Variants in DAZAP1 observed in about 807,000 individuals in gnomAD.
DAZAP1 encodes DAZ-associated protein 1.
Under a neutral mutation model 60.1 loss-of-function variants are expected in DAZAP1, and 6 were observed. The ratio of observed to expected loss-of-function variants is 0.10; its 90% confidence interval spans 0.05 to 0.20. DAZAP1 has a LOEUF of 0.20. Among genes scored for constraint, DAZAP1 ranks in the 10% least tolerant of loss-of-function variants. The pLI is 1.00. For missense variants in DAZAP1, 366 were observed against 560.4 expected (o/e 0.65, Z 3.50); for synonymous variants, 235 against 215.9 (o/e 1.09, Z -0.78).
In DAZAP1 at chr19:1,429,958, C is replaced by T. The variant is rs747705262; in HGVS notation, c.701-9C>T. The T allele has an allele frequency of 1.5e-5, 24 of 1,565,244 alleles. 1 individual carries two copies. The Admixed American group carries it at 2.3e-4, about 15-fold the overall frequency. On this transcript the variant is annotated splice_polypyrimidine_tract_variant and intron_variant, in intron 8 of 11. Coordinates refer to ENST00000233078, the MANE Select transcript of DAZAP1 (RefSeq NM_018959.4). ...CGGCGCCAACCTCCTCTTCTGTTCT[C>T]TTATCTAGGAATGTGGGTGCCGGCA...
In DAZAP1 at chr19:1,407,661, C is replaced by CGCG. The variant is rs1569023039; in HGVS notation, c.-112_-111insCGG. The CGCG allele has an allele frequency of 2.1e-6, 2 of 964,084 alleles. No homozygotes were observed. Among genetic ancestry groups the CGCG allele is most frequent in the Non-Finnish European group, 2.5e-6 (2 of 807,646 alleles). 59.7% of individuals were successfully genotyped at this position (964,084 alleles called of 1,614,324 possible). Reference sequence around the variant, plus strand: ...CCGCCGCCGCCGCCGCCGCCGCCGCCGTTGCGCAGATCCGGGCCGCGGCTG... The same window carrying CGCG: ...CCGCCGCCGCCGCCGCCGCCGCCGCCGCGGTTGCGCAGATCCGGGCCGCGGCTG... On this transcript the variant is annotated 5_prime_UTR_variant, in exon 1 of 12. Coordinates refer to ENST00000233078, the MANE Select transcript of DAZAP1 (RefSeq NM_018959.4).
Position 1,435,117 on chromosome 19 carries a change from A to G in DAZAP1, c.*205A>G, listed in dbSNP as rs1339849090. The G allele has an allele frequency of 2.8e-6, 1 of 363,366 alleles. No homozygotes were observed. The highest frequency in any genetic ancestry group is 4.5e-5 in the East Asian group (1 of 22,318). 22.5% of individuals were successfully genotyped at this position (363,366 alleles called of 1,614,324 possible). A position where few individuals can be genotyped will look rare whatever the true frequency, so the allele number is the denominator to read the frequency against. On this transcript the variant is annotated 3_prime_UTR_variant, in exon 12 of 12. Coordinates refer to ENST00000233078, the MANE Select transcript of DAZAP1 (RefSeq NM_018959.4). Reference sequence around the variant, plus strand: ...TTCTCTAACCCATCAGCACAATAAAAAAAAGTCACTGGTTCAACAACAGGG... The same window carrying G: ...TTCTCTAACCCATCAGCACAATAAAGAAAAGTCACTGGTTCAACAACAGGG...
chr19:1,420,423 G>C (rs933946457), intron 4 of DAZAP1, among the ~76,000 whole-genome samples: 3 of 151,916 alleles, frequency 2.0e-5, no homozygotes, highest in African/African-American at 7.3e-5. Flanking sequence ...CACCCTCAAA[G>C]GTTTATAGTC....
At position 1,430,381 on chromosome 19, in the gene DAZAP1, G is replaced by T. The variant is rs2083416660; in HGVS notation, c.871+19G>T. 1 of 1,479,656 alleles carries T rather than the reference G, an allele frequency of 6.8e-7. No individual in the cohort carries two copies. The highest frequency in any genetic ancestry group is 1.4e-5 in the African/African-American group (1 of 69,440). The allele number at this position is 1,479,656 out of a possible 1,614,324, so 91.7% of individuals were successfully genotyped here. A position where few individuals can be genotyped will look rare whatever the true frequency, so the allele number is the denominator to read the frequency against. On this transcript the variant is annotated intron_variant, in intron 10 of 11. Transcript: ENST00000233078. ...CAGTTCAGTAAGTCTAGGGGGCCTTGTGGGAGGGCCTCCCGCCTGCTCCGG... is the reference window on the plus strand; with the variant it reads ...CAGTTCAGTAAGTCTAGGGGGCCTTTTGGGAGGGCCTCCCGCCTGCTCCGG...
rs973797825 is a variant in DAZAP1, at chr19:1,434,670, G to A, written c.1049-67G>A. On this transcript the variant is annotated intron_variant, in intron 11 of 11. Transcript: ENST00000233078. This position sits in a 1 kb window ranked among gnomAD's most constrained non-coding sequence, Gnocchi z 8.0. ...AGGCTCGGCGGAGCTGTGTCCAGGT[G>A]GCCTCGCTCGACGGCAGTGCCAACC... 6.4e-7 allele frequency: 1 copy of A among 1,558,866 alleles called. No individual in the cohort carries two copies. The highest frequency in any genetic ancestry group is 1.4e-5 in the African/African-American group (1 of 73,204).
chr19:1,409,491 C>G (rs1233158582), intron 1 of DAZAP1, among the ~76,000 whole-genome samples: 2 of 152,204 alleles, frequency 1.3e-5, no homozygotes, highest in Non-Finnish European at 2.9e-5. Context: ...GCAGGCCACC[C>G]GGACGCCACG....
chr19:1,434,753 C>T lies in DAZAP1; in HGVS notation c.1065C>T (p.Asp355=). 6.2e-7 allele frequency: 1 copy of T among 1,612,728 alleles called. No homozygotes were observed. Among genetic ancestry groups the T allele is most frequent in the Non-Finnish European group, 8.5e-7 (1 of 1,179,452 alleles). ...CTCCCCCAGCAGGTTACGGGCAGGACTTGAGTGGCTTCGGACAGGGCTTCT... is the reference window on the plus strand; with the variant it reads ...CTCCCCCAGCAGGTTACGGGCAGGATTTGAGTGGCTTCGGACAGGGCTTCT... ...PYGQYAGYGQ[D]LSGFGQGFSD... The change falls in exon 12 of 12, where the codon GAC becomes GAT. Residue 355 remains aspartate (D), a synonymous_variant. Transcript: ENST00000233078. The surrounding 1 kb of genome is among the most constrained non-coding windows in gnomAD (Gnocchi z 8.0).
intron 1 of DAZAP1, among the ~76,000 whole-genome samples, chr19:1,414,133 T>G (rs978399258): frequency 6.6e-6 from 1 of 151,760 alleles, no homozygotes; most frequent in African/African-American, 2.4e-5. Flanking sequence ...CACCTCGAGC[T>G]CAGCCTCCCG....
Position 1,432,711 on chromosome 19 carries a change from C to G in DAZAP1, c.1048+21C>G, listed in dbSNP as rs2083484935. The G allele has an allele frequency of 6.4e-7, 1 of 1,567,708 alleles. No individual in the cohort carries two copies. Among genetic ancestry groups the G allele is most frequent in the African/African-American group, 1.4e-5 (1 of 73,932 alleles). ...GTATGGTAAGTGGTCTCCTGCCATG[C>G]CGCGTCCCCGCTGGCCCCAGGACCC... On this transcript the variant is annotated intron_variant, in intron 11 of 11. Coordinates refer to ENST00000233078, the MANE Select transcript of DAZAP1 (RefSeq NM_018959.4). The surrounding 1 kb of genome is among the most constrained non-coding windows in gnomAD (Gnocchi z 4.9).
chr19:1,431,429 T>C (rs111641180), intron 10 of DAZAP1, among the ~76,000 whole-genome samples: 2 of 152,058 alleles, frequency 1.3e-5, no homozygotes, highest in African/African-American at 4.8e-5. Flanking sequence ...GCGCCCGGAC[T>C]ATTTTATTTA....
rs560900370 is a variant in DAZAP1 at position 1,431,163 on chromosome 19, CTG to C, written c.871+803_871+804del. Among the ~76,000 whole-genome samples, 376 of 151,718 alleles carry C rather than the reference CTG, an allele frequency of 2.5e-3. 2 individuals are homozygous for C. The highest frequency in any genetic ancestry group is 4.6e-3 in the Non-Finnish European group (310 of 67,920). On this transcript the variant is annotated intron_variant, in intron 10 of 11. Transcript: ENST00000233078. ...TTTTTTTTTGAGATGGAGTCTCACT[CTG>C]TCGCCCAGGCTAGAGTGCAGTGGCG...
rs2144935742 is a variant in DAZAP1, at chr19:1,432,462, T to C, written c.872-52T>C. On this transcript the variant is annotated intron_variant, in intron 10 of 11. Coordinates refer to ENST00000233078, the MANE Select transcript of DAZAP1 (RefSeq NM_018959.4). This position sits in a 1 kb window ranked among gnomAD's most constrained non-coding sequence, Gnocchi z 4.9. Reference sequence around the variant, plus strand: ...GCTGGGTGTGGGTCTCCTGCTGGTCTGCCCCCAGCTGCACAACGTGTCTTG... The same window carrying C: ...GCTGGGTGTGGGTCTCCTGCTGGTCCGCCCCCAGCTGCACAACGTGTCTTG... The C allele has an allele frequency of 3.1e-6, 5 of 1,591,308 alleles. No individual in the cohort carries two copies. The highest frequency in any genetic ancestry group is 4.3e-6 in the Non-Finnish European group (5 of 1,161,768).
At chr19:1,415,400 T>G (rs1308330079) in intron 1 of DAZAP1, among the ~76,000 whole-genome samples, 3 of 146,850 alleles carry the variant, frequency 2.0e-5, no homozygotes, top group East Asian at 2.0e-4. Flanking sequence ...TTTTGTTTTT[T>G]TTTTTTTTTT....
Position 1,417,506 on chromosome 19 carries a change from C to T in DAZAP1, c.36C>T (p.Leu12=). 1 of 1,605,810 alleles carries T rather than the reference C, an allele frequency of 6.2e-7. No individual in the cohort carries two copies. The highest frequency in any genetic ancestry group is 8.5e-7 in the Non-Finnish European group (1 of 1,176,470). The change falls in exon 2 of 12, where the codon CTC becomes CTT. Residue 12 remains leucine, a synonymous_variant. Coordinates refer to ENST00000233078, the MANE Select transcript of DAZAP1 (RefSeq NM_018959.4). ...TTTTCTCATTGAATCGCAGGAAGCT[C>T]TTCGTGGGCGGTCTTGACTGGAGCA... ...NNSGADEIGK[L]FVGGLDWSTT...
intron 8 of DAZAP1, 85 bp downstream of exon 8, chr19:1,429,080 C>G: frequency 2.8e-6 from 4 of 1,420,018 alleles, no homozygotes; most frequent in Non-Finnish European, 3.7e-6. Flanking sequence ...TCGCTGCGGC[C>G]TCCCCACCTC....
At position 1,434,967 on chromosome 19, in the gene DAZAP1, C is replaced by A; in HGVS notation, c.*55C>A. 8.4e-7 allele frequency: 1 copy of A among 1,184,538 alleles called. No individual in the cohort carries two copies. Among genetic ancestry groups the A allele is most frequent in the Non-Finnish European group, 1.0e-6 (1 of 953,242 alleles). 73.4% of individuals were successfully genotyped at this position (1,184,538 alleles called of 1,614,324 possible). A position where few individuals can be genotyped will look rare whatever the true frequency, so the allele number is the denominator to read the frequency against. ...AGACCCAGGATTCCAAACTTGTGAA[C>A]TCGTGACAATCACAAACTTGGCGGC... On this transcript the variant is annotated 3_prime_UTR_variant, in exon 12 of 12. Transcript: ENST00000233078. The surrounding 1 kb of genome is among the most constrained non-coding windows in gnomAD (Gnocchi z 8.0).
chr19:1,430,203 C>T lies in DAZAP1; in HGVS notation c.731-19C>T, dbSNP rs1569094706. 6.3e-7 allele frequency: 1 copy of T among 1,589,264 alleles called. No individual in the cohort carries two copies. The highest frequency in any genetic ancestry group is 8.6e-7 in the Non-Finnish European group (1 of 1,168,004). Reference sequence around the variant, plus strand: ...TGTCCAGCGCTCTCTGTCCATCACCCCCGTACTGTGTGTTTCAGGTGGCTA... The same window carrying T: ...TGTCCAGCGCTCTCTGTCCATCACCTCCGTACTGTGTGTTTCAGGTGGCTA... On this transcript the variant is annotated intron_variant, in intron 9 of 11. Coordinates refer to ENST00000233078, the MANE Select transcript of DAZAP1 (RefSeq NM_018959.4).
rs1282052093 is a variant in DAZAP1, at chr19:1,425,548, G to A, written c.464-330G>A. Among the ~76,000 whole-genome samples the A allele has an allele frequency of 6.6e-6, 1 of 152,208 alleles. No individual in the cohort carries two copies. The highest frequency in any genetic ancestry group is 1.5e-5 in the Non-Finnish European group (1 of 68,036). On this transcript the variant is annotated intron_variant, in intron 6 of 11. Coordinates refer to ENST00000233078, the MANE Select transcript of DAZAP1 (RefSeq NM_018959.4). The surrounding 1 kb of genome is among the most constrained non-coding windows in gnomAD (Gnocchi z 5.4). ...CGATGGAGGCCCTCACCGTTCCCCT[G>A]TCTCCGCTGCTGTTTTATAAGATGT...
In DAZAP1 at chr19:1,416,735, C is replaced by T. The variant is rs1450243802; in HGVS notation, c.30-765C>T. On this transcript the variant is annotated intron_variant, in intron 1 of 11. Coordinates refer to ENST00000233078, the MANE Select transcript of DAZAP1 (RefSeq NM_018959.4). This position sits in a 1 kb window ranked among gnomAD's most constrained non-coding sequence, Gnocchi z 4.3. Reference sequence around the variant, plus strand: ...GGGCCCTTGGGCGTCGCTGCAGGGTCGATGGCGGACGCCTTGGGAGAGCTC... The same window carrying T: ...GGGCCCTTGGGCGTCGCTGCAGGGTTGATGGCGGACGCCTTGGGAGAGCTC... 2.0e-5 allele frequency: 3 copies of T among 152,418 alleles called. No individual in the cohort carries two copies. The highest frequency in any genetic ancestry group is 1.9e-4 in the East Asian group (1 of 5,200). 9.4% of individuals were successfully genotyped at this position (152,418 alleles called of 1,614,324 possible).
Sources: gnomAD v4.1 joint callset for allele counts (sites outside exome capture counted in the v4.1 genomes callset) on GRCh38, gnomAD v4.1.1 for gene constraint, Gnocchi (gnomAD v3.1) non-coding constraint, MANE v1.5 for transcripts, NCBI Gene and HGNC (gene_info 2026-07-23, HGNC 2026-07-21) for gene names.